The following USP10 variants were observed in gnomAD, a reference collection of about 807,000 sequenced individuals.
USP10 encodes ubiquitin carboxyl-terminal hydrolase 10.
A neutral mutation model predicts 84.5 loss-of-function variants in USP10; 22 were observed. The observed-to-expected ratio is 0.26, with a 90% confidence interval of 0.19 to 0.37. The LOEUF (loss-of-function observed/expected upper bound fraction) is 0.37. Ranked by LOEUF, USP10 falls within the 10% of genes least tolerant of loss-of-function variation. USP10 has a pLI of 1.00. For synonymous variants in USP10, 454 were observed against 387.6 expected (o/e 1.17, Z -2.01); for missense variants, 1,019 against 998.9 (o/e 1.02, Z -0.27).
In USP10 at chr16:84,778,986, C is replaced by A. The variant is rs759077873; in HGVS notation, c.2301C>A (p.Asp767Glu). The A allele has an allele frequency of 8.1e-6, 13 of 1,614,048 alleles. No homozygotes were observed. Among genetic ancestry groups the A allele is most frequent in the Non-Finnish European group, 1.1e-5 (13 of 1,179,908 alleles). Residue 767 changes from aspartate to glutamate, a missense_variant, in exon 14 of 14, where the codon GAC becomes GAA. Asp to Glu is a conservative substitution (Grantham distance 45). This residue lies in a region of USP10 where 232 missense variants were observed against 290.1 expected (regional missense o/e 0.80). Transcript: ENST00000219473. ...IGLNGWLRIDDQTVKVINQYQ... is the reference protein window; with the variant it reads ...IGLNGWLRIDEQTVKVINQYQ... Reference sequence around the variant, plus strand: ...TGAATGGCTGGCTGCGCATCGATGACCAGACAGTCAAGGTGATCAACCAGT... The same window carrying A: ...TGAATGGCTGGCTGCGCATCGATGAACAGACAGTCAAGGTGATCAACCAGT...
chr16:84,718,542 T>C (rs1907354905), intron 1 of USP10, among the ~76,000 whole-genome samples: 1 of 152,106 alleles, frequency 6.6e-6, no homozygotes, highest in African/African-American at 2.4e-5. Context: ...GTGGATCACC[T>C]GTCAGGAGTT....
At chr16:84,778,042 C>T (rs1056788119) in intron 13 of USP10, among the ~76,000 whole-genome samples, 3 of 147,750 alleles carry the variant, frequency 2.0e-5, no homozygotes, top group African/African-American at 7.5e-5. Flanking sequence ...TTGTTTTAGG[C>T]CTTTGACTAA....
chr16:84,747,100 T>C (rs1911318940), intron 4 of USP10, among the ~76,000 whole-genome samples: 2 of 152,184 alleles, frequency 1.3e-5, no homozygotes, highest in Admixed American at 1.3e-4. Context: ...TGCGGCTCAT[T>C]GTTGACCGAA....
rs1045724861 is a variant in USP10, at chr16:84,733,423, A to AT, written c.22-4dup. Reference sequence around the variant, plus strand: ...ATTTTATGTGATCAGTGACTCTCTTATTTTTTTTCAGTATATTTTTGGAGA... The same window carrying AT: ...ATTTTATGTGATCAGTGACTCTCTTATTTTTTTTTCAGTATATTTTTGGAGA... On this transcript the variant is annotated splice_polypyrimidine_tract_variant and intron_variant, in intron 1 of 13. Transcript: ENST00000219473. The AT allele has an allele frequency of 7.5e-5, 118 of 1,577,534 alleles. No homozygotes were observed. The highest frequency in any genetic ancestry group is 1.1e-4 in the Admixed American group (6 of 56,400).
Position 84,744,694 on chromosome 16 carries a change from G to A in USP10, c.213G>A (p.Leu71=). ...VDEVIEPSDT[L]PRTPSYSISS... is the part of the protein sequence containing the mutation. ...AAGTCATTGAACCCAGTGACACTTTGCCGAGAACCCCCAGCTACAGTATTT... is the reference window on the plus strand; with the variant it reads ...AAGTCATTGAACCCAGTGACACTTTACCGAGAACCCCCAGCTACAGTATTT... The change falls in exon 4 of 14, where the codon TTG becomes TTA. Residue 71 remains leucine (L), a synonymous_variant. Transcript: ENST00000219473. 6.2e-7 allele frequency: 1 copy of A among 1,613,654 alleles called. No individual in the cohort carries two copies. The highest frequency in any genetic ancestry group is 8.5e-7 in the Non-Finnish European group (1 of 1,179,700).
intron 12 of USP10, among the ~76,000 whole-genome samples, chr16:84,773,995 A>G (rs969246256): frequency 1.3e-5 from 2 of 152,178 alleles, no homozygotes; most frequent in Non-Finnish European, 2.9e-5. Context: ...CACACCTGTA[A>G]TCCCAGCACT....
intron 10 of USP10, 44 bp downstream of exon 10, chr16:84,764,307 GT>G: frequency 1.2e-6 from 2 of 1,612,730 alleles, no homozygotes; most frequent in East Asian, 4.5e-5. Context: ...CTTTTCTAGG[GT>G]TTTGCCATGT....
chr16:84,738,022 T>A (rs558875507), intron 2 of USP10, among the ~76,000 whole-genome samples: 1 of 152,210 alleles, frequency 6.6e-6, no homozygotes, highest in African/African-American at 2.4e-5. Context: ...TGAGTGAGTG[T>A]TCACACCCCG....
intron 4 of USP10, among the ~76,000 whole-genome samples, chr16:84,751,944 G>A (rs1911983164): frequency 6.6e-6 from 1 of 152,034 alleles, no homozygotes; most frequent in African/African-American, 2.4e-5. Flanking sequence ...TTACGATGCT[G>A]GTATTGCCTT....
chr16:84,704,950 A>G, intron 1 of USP10: 1 of 1,523,912 alleles, frequency 6.6e-7, no homozygotes, highest in South Asian at 1.2e-5. Context: ...AATTGTTAGG[A>G]GAATGTGCAT....
At chr16:84,735,402 A>G (rs1044927584) in intron 2 of USP10, among the ~76,000 whole-genome samples, 1 of 152,168 alleles carries the variant, frequency 6.6e-6, no homozygotes, top group Admixed American at 6.5e-5. Flanking sequence ...ATGTGATAGG[A>G]AAGTGAAAAG....
chr16:84,704,810 G>A, intron 1 of USP10: 1 of 1,535,670 alleles, frequency 6.5e-7, no homozygotes, highest in African/African-American at 1.4e-5. Flanking sequence ...CTGCCATTCT[G>A]TCCCGTCTTG....
intron 1 of USP10, among the ~76,000 whole-genome samples, chr16:84,728,140 T>C (rs1445695766): frequency 6.6e-6 from 1 of 152,230 alleles, no homozygotes; most frequent in African/African-American, 2.4e-5. Flanking sequence ...AGGAAGGCTT[T>C]TGGAGAAGGA....
chr16:84,749,238 A>G (rs1911613973), intron 4 of USP10, among the ~76,000 whole-genome samples: 1 of 152,240 alleles, frequency 6.6e-6, no homozygotes, highest in Admixed American at 6.5e-5. Context: ...GTTACAAGTC[A>G]GATCCACTAC....
At chr16:84,717,358 A>C (rs951642972) in intron 1 of USP10, among the ~76,000 whole-genome samples, 1 of 152,218 alleles carries the variant, frequency 6.6e-6, no homozygotes, top group South Asian at 2.1e-4. Flanking sequence ...TAAATGAAAT[A>C]TGTTGATTAA....
intron 12 of USP10, among the ~76,000 whole-genome samples, chr16:84,774,800 G>A (rs1197082150): frequency 1.3e-5 from 2 of 152,192 alleles, no homozygotes; most frequent in East Asian, 1.9e-4. Context: ...TGACGCATAT[G>A]TAAAATTTTA....
intron 1 of USP10, among the ~76,000 whole-genome samples, chr16:84,729,210 A>G (rs1442448080): frequency 1.3e-5 from 2 of 152,220 alleles, no homozygotes; most frequent in Non-Finnish European, 2.9e-5. Flanking sequence ...TAACCTTCAC[A>G]TTTGTATGGA....
chr16:84,755,757 C>G (rs1347507612), intron 4 of USP10, among the ~76,000 whole-genome samples: 1 of 150,164 alleles, frequency 6.7e-6, no homozygotes, highest in Admixed American at 6.6e-5. Context: ...AGGATGGTGC[C>G]ACTGCATTCC....
chr16:84,704,735 G>C, intron 1 of USP10: 1 of 1,507,148 alleles, frequency 6.6e-7, no homozygotes, highest in Non-Finnish European at 8.9e-7. Context: ...CTGGCTATTT[G>C]AAAGCTCCTG....
Sources: gnomAD v4.1 joint callset for allele counts (sites outside exome capture counted in the v4.1 genomes callset) on GRCh38, gnomAD v4.1.1 for gene constraint, gnomAD v4.1.1 regional missense constraint, MANE v1.5 for transcripts, NCBI Gene and HGNC (gene_info 2026-07-23, HGNC 2026-07-21) for gene names.